CSMD3: variants seen among roughly 807,000 people sequenced by gnomAD.
CSMD3 encodes CUB and sushi domain-containing protein 3.
A neutral mutation model predicts 435.2 loss-of-function variants in CSMD3; 177 were observed. The observed-to-expected ratio is 0.41, with a 90% confidence interval of 0.36 to 0.46. The LOEUF (loss-of-function observed/expected upper bound fraction) is 0.46. Among genes scored for constraint, CSMD3 ranks in the 20% least tolerant of loss-of-function variants. The pLI is 0.34. For synonymous variants in CSMD3, 1,656 were observed against 1,520.5 expected (o/e 1.09, Z -2.07); for missense variants, 4,265 against 4,504.6 (o/e 0.95, Z 1.52).
intron 10 of CSMD3, among the ~76,000 whole-genome samples, chr8:112,896,335 G>A (rs190730911): frequency 9.9e-5 from 15 of 151,482 alleles, no homozygotes; most frequent in Admixed American, 4.0e-4. Context: ...GGAGCTGCCC[G>A]ATAGATATGA....
chr8:112,337,000 T>C (rs1824633822), intron 43 of CSMD3, among the ~76,000 whole-genome samples, 171 bp from the exon 44 acceptor site: 1 of 152,124 alleles, frequency 6.6e-6, no homozygotes, highest in African/African-American at 2.4e-5. Flanking sequence ...CAAAATAGAG[T>C]CAACTTTTAT....
At chr8:112,325,700 T>A (rs1286901010) in intron 45 of CSMD3, among the ~76,000 whole-genome samples, 1 of 152,026 alleles carries the variant, frequency 6.6e-6, no homozygotes, top group African/African-American at 2.4e-5. Flanking sequence ...AGTATATACG[T>A]ATGATATATA....
At chr8:113,112,453 A>G (rs531060189) in intron 4 of CSMD3, among the ~76,000 whole-genome samples, 13,573 of 71,096 alleles carry the variant, frequency 0.19, 1,651 homozygotes, top group South Asian at 0.24. Flanking sequence ...ATATATGTAT[A>G]TACACACACA....
chr8:113,343,236 T>A (rs2132858098), intron 1 of CSMD3, among the ~76,000 whole-genome samples: 1 of 152,224 alleles, frequency 6.6e-6, no homozygotes, highest in Non-Finnish European at 1.5e-5. Context: ...CTGAAGGTAA[T>A]TTAAATGATT....
Position 113,116,553 on chromosome 8 carries a change from G to A in CSMD3, c.710-17590C>T, listed in dbSNP as rs79690208. 9.4e-3 allele frequency among the ~76,000 whole-genome samples: 1,424 copies of A among 152,154 alleles called. 15 individuals are homozygous for A. Among genetic ancestry groups the A allele is most frequent in the African/African-American group, 0.028 (1,178 of 41,502 alleles). On this transcript the variant is annotated intron_variant, in intron 4 of 70. Transcript: ENST00000297405. The stretch of plus-strand genomic sequence containing the variant: ...TATACAGTTAATTGGTACAGGGAGC[G>A]GGGCACTTACTATAAAGATACCTGA...
At chr8:112,407,170 G>C (rs936828873) in intron 34 of CSMD3, among the ~76,000 whole-genome samples, 2 of 151,456 alleles carry the variant, frequency 1.3e-5, no homozygotes, top group African/African-American at 4.8e-5. Flanking sequence ...ATTTTATAAA[G>C]GCAAACAGTA....
intron 13 of CSMD3, among the ~76,000 whole-genome samples, chr8:112,691,894 A>G (rs2131833863): frequency 6.6e-6 from 1 of 151,976 alleles, no homozygotes; most frequent in African/African-American, 2.4e-5. Flanking sequence ...TATGCCTCCC[A>G]GGTTCAAGAG....
At chr8:113,101,926 A>G (rs1254752894) in intron 4 of CSMD3, among the ~76,000 whole-genome samples, 7 of 152,136 alleles carry the variant, frequency 4.6e-5, no homozygotes. Flanking sequence ...TTTTAAAAAA[A>G]ACAACAACAT....
intron 32 of CSMD3, among the ~76,000 whole-genome samples, chr8:112,446,595 A>G (rs1019796180): frequency 4.6e-5 from 7 of 152,232 alleles, no homozygotes; most frequent in Non-Finnish European, 1.0e-4. Flanking sequence ...TATGGCATGA[A>G]GGCTTCAGAA....
intron 31 of CSMD3, among the ~76,000 whole-genome samples, chr8:112,478,252 A>G (rs1045280076): frequency 2.0e-5 from 3 of 152,176 alleles, no homozygotes; most frequent in Non-Finnish European, 4.4e-5. Context: ...GTGTTACTAT[A>G]AGGATACCTG....
intron 1 of CSMD3, among the ~76,000 whole-genome samples, chr8:113,429,036 T>TA (rs1382165505): frequency 6.6e-6 from 1 of 151,824 alleles, no homozygotes; most frequent in Non-Finnish European, 1.5e-5. Flanking sequence ...CACTCATGAC[T>TA]ATTTATATAT....
At chr8:112,543,932 C>G (rs971194499) in intron 27 of CSMD3, among the ~76,000 whole-genome samples, 1 of 152,032 alleles carries the variant, frequency 6.6e-6, no homozygotes, top group Non-Finnish European at 1.5e-5. Flanking sequence ...CATGAGCGAA[C>G]CTTGAGGACA....
At chr8:112,545,244 G>T (rs1051651852) in intron 27 of CSMD3, among the ~76,000 whole-genome samples, 1 of 152,152 alleles carries the variant, frequency 6.6e-6, no homozygotes, top group South Asian at 2.1e-4. Context: ...AGCACTTGGG[G>T]GTGCTGAGGC....
At chr8:112,418,806 C>T (rs1363886899) in intron 32 of CSMD3, among the ~76,000 whole-genome samples, 1 of 152,052 alleles carries the variant, frequency 6.6e-6, no homozygotes, top group Non-Finnish European at 1.5e-5. Flanking sequence ...ATCAAAAACG[C>T]CTCAAACTCC....
At chr8:113,433,545 G>A (rs2094687959) in intron 1 of CSMD3, among the ~76,000 whole-genome samples, 1 of 152,230 alleles carries the variant, frequency 6.6e-6, no homozygotes, top group African/African-American at 2.4e-5. Flanking sequence ...TGGAGTCTCA[G>A]AGCACGCAGA....
At chr8:112,762,890 G>C (rs942061148) in intron 13 of CSMD3, among the ~76,000 whole-genome samples, 6 of 151,730 alleles carry the variant, frequency 4.0e-5, no homozygotes, top group Non-Finnish European at 7.4e-5. Flanking sequence ...GTGGTAACCA[G>C]ATGCTGAAAT....
At chr8:112,361,104 C>T (rs980272904) in intron 38 of CSMD3, among the ~76,000 whole-genome samples, 23 of 151,776 alleles carry the variant, frequency 1.5e-4, no homozygotes, top group African/African-American at 4.4e-4. Flanking sequence ...GTGGAAAAGG[C>T]TTCTCTTCTG....
chr8:112,809,633 C>A (rs1227300957), intron 12 of CSMD3, among the ~76,000 whole-genome samples: 1 of 151,926 alleles, frequency 6.6e-6, no homozygotes, highest in Non-Finnish European at 1.5e-5. Context: ...AATAATAGTT[C>A]CCACAATCAC....
intron 11 of CSMD3, among the ~76,000 whole-genome samples, chr8:112,852,518 G>A: frequency 6.6e-6 from 1 of 152,048 alleles, no homozygotes; most frequent in East Asian, 1.9e-4. Flanking sequence ...TTTTATCAGT[G>A]CTTTCCAATC....
Sources: gnomAD v4.1 joint callset for allele counts (sites outside exome capture counted in the v4.1 genomes callset) on GRCh38, gnomAD v4.1.1 for gene constraint, MANE v1.5 for transcripts, NCBI Gene and HGNC (gene_info 2026-07-23, HGNC 2026-07-21) for gene names.